Variants in WDR41 observed in about 807,000 individuals in gnomAD.
The protein encoded by WDR41 is WD repeat domain 41, also known as WD repeat-containing protein 41.
In WDR41, 63 loss-of-function variants were observed where a neutral mutation model predicts 69.3. The observed-to-expected ratio is 0.91, with a 90% CI of 0.74 to 1.12. WDR41 has a LOEUF of 1.12. WDR41 is among the 50% of genes most tolerant of loss of function. The pLI, the probability that WDR41 is intolerant of heterozygous loss-of-function variation, is 0.00. For missense variants in WDR41, 543 were observed against 534.5 expected (o/e 1.02, Z -0.16); for synonymous variants, 185 against 192.1 (o/e 0.96, Z 0.31).
chr5:77,553,769 G>T (rs746065534), intron 1 of WDR41, among the ~76,000 whole-genome samples: 1 of 152,122 alleles, frequency 6.6e-6, no homozygotes. Flanking sequence ...ACATGACTAA[G>T]ATTTTAAAAA....
intron 2 of WDR41, among the ~76,000 whole-genome samples, chr5:77,469,602 A>C (rs929849756): frequency 6.6e-6 from 1 of 152,304 alleles, no homozygotes; most frequent in Non-Finnish European, 1.5e-5. Flanking sequence ...GTGTGATGTT[A>C]ACACCCATCA....
intron 1 of WDR41, among the ~76,000 whole-genome samples, chr5:77,584,957 A>G (rs1251918207): frequency 6.6e-6 from 1 of 152,172 alleles, no homozygotes; most frequent in East Asian, 1.9e-4. Flanking sequence ...TGCAATAAAA[A>G]CAAAGATAAA....
chr5:77,603,129 GA>G (rs1177756934), intron 1 of WDR41, among the ~76,000 whole-genome samples: 2 of 151,938 alleles, frequency 1.3e-5, no homozygotes, highest in Non-Finnish European at 2.9e-5. Context: ...TTAGAGACGG[GA>G]TTTCACCAAG....
chr5:77,462,036 C>T (rs2151321908), intron 4 of WDR41, among the ~76,000 whole-genome samples: 1 of 152,278 alleles, frequency 6.6e-6, no homozygotes, highest in East Asian at 1.9e-4. Flanking sequence ...CTTGCCAGTT[C>T]TGCCCTACAC....
chr5:77,579,477 CTA>C (rs1743895495), intron 1 of WDR41, among the ~76,000 whole-genome samples: 1 of 152,074 alleles, frequency 6.6e-6, no homozygotes, highest in Non-Finnish European at 1.5e-5. Context: ...TAACAGCAAA[CTA>C]TGAAACAAAA....
intron 1 of WDR41, among the ~76,000 whole-genome samples, chr5:77,502,903 C>A (rs1242254273): frequency 6.6e-6 from 1 of 152,038 alleles, no homozygotes; most frequent in African/African-American, 2.4e-5. Flanking sequence ...TACCAGCCAG[C>A]GCAAAAACAT....
chr5:77,444,523 G>C (rs1009373991), intron 8 of WDR41, among the ~76,000 whole-genome samples: 1 of 152,192 alleles, frequency 6.6e-6, no homozygotes, highest in Non-Finnish European at 1.5e-5. Flanking sequence ...AGCAAATCTG[G>C]TATTCATTAT....
At chr5:77,549,673 T>A (rs1334013526) in intron 1 of WDR41, among the ~76,000 whole-genome samples, 6 of 152,190 alleles carry the variant, frequency 3.9e-5, no homozygotes, top group Non-Finnish European at 8.8e-5. Flanking sequence ...GAAGAATCAA[T>A]ATTATTAAAA....
intron 1 of WDR41, chr5:77,545,617 C>T (rs1311163270): frequency 1.3e-5 from 5 of 371,604 alleles, no homozygotes; most frequent in South Asian, 4.5e-5. Context: ...GGAGATCTAT[C>T]TCTTCTCCCT....
chr5:77,549,148 G>T (rs767602597), intron 1 of WDR41, among the ~76,000 whole-genome samples: 3 of 151,508 alleles, frequency 2.0e-5, no homozygotes, highest in South Asian at 4.2e-4. Context: ...GGGGAAAGGG[G>T]GTGAAGGATA....
intron 1 of WDR41, among the ~76,000 whole-genome samples, chr5:77,607,964 A>G (rs561361097): frequency 1.3e-5 from 2 of 152,340 alleles, no homozygotes; most frequent in East Asian, 3.9e-4. Context: ...TAAAATATGC[A>G]TAAAATAAAA....
chr5:77,493,960 G>A (rs970942584), upstream of WDR41, among the ~76,000 whole-genome samples: 3 of 151,052 alleles, frequency 2.0e-5, no homozygotes, highest in Admixed American at 6.6e-5. Context: ...AGCTAAGAAA[G>A]AATTTTTTAC....
chr5:77,510,285 A>G (rs902026341), intron 1 of WDR41, among the ~76,000 whole-genome samples: 1 of 152,240 alleles, frequency 6.6e-6, no homozygotes, highest in South Asian at 2.1e-4. Flanking sequence ...CGTGAGACCC[A>G]TTCACTCTCA....
At chr5:77,452,851 C>G (rs908142170) in intron 6 of WDR41, 3 of 152,162 alleles carry the variant, frequency 2.0e-5, no homozygotes, top group Non-Finnish European at 4.4e-5. Context: ...AGATTCTTTT[C>G]AGCCCCAATT....
chr5:77,584,546 G>T (rs938302234), intron 1 of WDR41, among the ~76,000 whole-genome samples: 1 of 151,986 alleles, frequency 6.6e-6, no homozygotes, highest in Non-Finnish European at 1.5e-5. Context: ...AATTTAAGAA[G>T]ACAAAGACTT....
intron 1 of WDR41, among the ~76,000 whole-genome samples, chr5:77,567,251 A>G (rs946908626): frequency 6.6e-6 from 1 of 152,198 alleles, no homozygotes; most frequent in African/African-American, 2.4e-5. Context: ...GTATTAAGCC[A>G]TCTCTTCCTC....
intron 1 of WDR41, among the ~76,000 whole-genome samples, chr5:77,571,717 T>G (rs1308552316): frequency 6.6e-6 from 1 of 152,176 alleles, no homozygotes; most frequent in Non-Finnish European, 1.5e-5. Context: ...TTCTGAAGCT[T>G]TGTGGATTGG....
intron 1 of WDR41, among the ~76,000 whole-genome samples, chr5:77,560,805 C>T (rs1743508959): frequency 6.6e-6 from 1 of 152,144 alleles, no homozygotes; most frequent in South Asian, 2.1e-4. Flanking sequence ...TCCTTGTCTA[C>T]AGGGTATGTG....
intron 1 of WDR41, among the ~76,000 whole-genome samples, chr5:77,521,522 C>T (rs1327111202): frequency 6.6e-6 from 1 of 152,210 alleles, no homozygotes. Context: ...AAATATTATA[C>T]CAAAACTCAA....
Sources: gnomAD v4.1 joint callset for allele counts (sites outside exome capture counted in the v4.1 genomes callset) on GRCh38, gnomAD v4.1.1 for gene constraint, MANE v1.5 for transcripts, NCBI Gene and HGNC (gene_info 2026-07-23, HGNC 2026-07-21) for gene names.